The following ZNF143 variants were observed in gnomAD, a reference collection of about 807,000 sequenced individuals.
ZNF143 encodes the protein zinc finger protein 143.
ZNF143 carries 49 observed loss-of-function variants against 74.1 expected under a neutral mutation model. That is an observed-to-expected ratio of 0.66 (90% CI 0.53 to 0.84). The LOEUF (loss-of-function observed/expected upper bound fraction) is 0.84. Ranked by LOEUF, ZNF143 falls within the 40% of genes least tolerant of loss-of-function variation. The pLI, the probability that ZNF143 is intolerant of heterozygous loss-of-function variation, is 0.00. For missense variants in ZNF143, 637 were observed against 793.4 expected, an observed-to-expected ratio of 0.80 and a Z score of 2.37; for synonymous variants, 304 against 282.8, an observed-to-expected ratio of 1.07 and a Z score of -0.75.
Position 9,508,838 on chromosome 11 carries a change from C to T in ZNF143, c.1367C>T (p.Pro456Leu), listed in dbSNP as rs369402613. The T allele has an allele frequency of 8.8e-6, 14 of 1,582,078 alleles. No homozygotes were observed. Among genetic ancestry groups the T allele is most frequent in the East Asian group, 4.6e-5 (2 of 43,134 alleles). Residue 456 changes from proline (P) to leucine (L), a missense_variant, in exon 12 of 16, where the codon CCG becomes CTG. Transcript: ENST00000396602. ...GAGGAGCAGGAAGCCTTCTTTGAGC[C>T]GCCCCCAGGTGAGAGTTTTGTCTAC... Reference protein sequence around the residue: ...IEEEQEAFFEPPPGQGEDVLK... With the variant: ...IEEEQEAFFELPPGQGEDVLK...
intron 5 of ZNF143, among the ~76,000 whole-genome samples, chr11:9,477,363 T>C (rs1171529678): frequency 6.6e-6 from 1 of 152,018 alleles, no homozygotes; most frequent in African/African-American, 2.4e-5. Flanking sequence ...CAAGCGATTC[T>C]CCTGCTTCAG....
At chr11:9,505,878 CAAAAAA>C (rs1177848404) in intron 11 of ZNF143, among the ~76,000 whole-genome samples, 2 of 66,864 alleles carry the variant, frequency 3.0e-5, no homozygotes, top group Non-Finnish European at 6.5e-5. Flanking sequence ...GACTCCATAT[CAAAAAA>C]AAAAAAAAAA....
Sources: gnomAD v4.1 joint callset for allele counts (sites outside exome capture counted in the v4.1 genomes callset) on GRCh38, gnomAD v4.1.1 for gene constraint, MANE v1.5 for transcripts, NCBI Gene and HGNC (gene_info 2026-07-23, HGNC 2026-07-21) for gene names.